MSRA: variants seen among roughly 807,000 people sequenced by gnomAD.
The protein encoded by MSRA is mitochondrial peptide methionine sulfoxide reductase.
MSRA carries 54 observed loss-of-function variants against 31.3 expected under a neutral mutation model. The ratio of observed to expected loss-of-function variants is 1.73; its 90% CI spans 1.39 to 2.17. The LOEUF is 2.17. MSRA is among the 30% of genes most tolerant of loss of function. MSRA has a pLI of 0.00. For missense variants in MSRA, 507 were observed against 300.9 expected, an observed-to-expected ratio of 1.69 and a Z score of -5.07; for synonymous variants, 169 against 116.5, an observed-to-expected ratio of 1.45 and a Z score of -2.90.
intron 1 of MSRA, among the ~76,000 whole-genome samples, chr8:10,063,038 C>T (rs1200367088): frequency 6.6e-6 from 1 of 152,202 alleles, no homozygotes; most frequent in Non-Finnish European, 1.5e-5. Flanking sequence ...TGTGAAAGTT[C>T]TGCCCTTCTG....
At chr8:10,057,625 C>T (rs1427167523) in intron 1 of MSRA, among the ~76,000 whole-genome samples, 1 of 152,174 alleles carries the variant, frequency 6.6e-6, no homozygotes, top group Non-Finnish European at 1.5e-5. Flanking sequence ...GTGATTGAAA[C>T]ATGCGGGGGG....
chr8:10,100,378 C>A (rs1799452826), intron 1 of MSRA, among the ~76,000 whole-genome samples: 1 of 152,106 alleles, frequency 6.6e-6, no homozygotes, highest in African/African-American at 2.4e-5. Context: ...GTGCCTTGAT[C>A]TGCTGCAGGA....
chr8:10,332,052 A>G lies in MSRA; in HGVS notation c.543+12063A>G, dbSNP rs182965674. Reference sequence around the variant, plus strand: ...TAGAGATCCTCAAATTTCCAACCATAGTTACAATATAGGATCAGCATATCT... The same window carrying G: ...TAGAGATCCTCAAATTTCCAACCATGGTTACAATATAGGATCAGCATATCT... On this transcript the variant is annotated intron_variant, in intron 5 of 5. Coordinates refer to ENST00000317173, the MANE Select transcript of MSRA (RefSeq NM_012331.5). 1.7e-4 allele frequency among the ~76,000 whole-genome samples: 26 copies of G among 152,308 alleles called. No homozygotes were observed. The East Asian group carries it at 4.8e-3, about 28-fold the overall frequency.
intron 5 of MSRA, among the ~76,000 whole-genome samples, chr8:10,414,581 GTTC>G (rs1295741638): frequency 6.6e-6 from 1 of 152,194 alleles, no homozygotes; most frequent in African/African-American, 2.4e-5. Context: ...AATTGCTGCA[GTTC>G]TTCTGTGAAT....
intron 1 of MSRA, among the ~76,000 whole-genome samples, chr8:10,120,649 A>G (rs1360145581): frequency 2.6e-5 from 4 of 152,360 alleles, no homozygotes; most frequent in African/African-American, 9.6e-5. Flanking sequence ...ATGAGAAGGC[A>G]TGGAGTTAGA....
chr8:10,363,206 C>T (rs1804955342), intron 5 of MSRA, among the ~76,000 whole-genome samples: 1 of 152,194 alleles, frequency 6.6e-6, no homozygotes, highest in African/African-American at 2.4e-5. Flanking sequence ...CATTTTCCAG[C>T]TGGGAGAGCG....
chr8:10,184,356 A>C (rs1264959765), intron 1 of MSRA, among the ~76,000 whole-genome samples: 1 of 151,932 alleles, frequency 6.6e-6, no homozygotes. Flanking sequence ...AATACATTCT[A>C]AACCTCTTCC....
intron 3 of MSRA, among the ~76,000 whole-genome samples, chr8:10,247,760 T>G (rs893468138): frequency 1.3e-5 from 2 of 152,152 alleles, no homozygotes; most frequent in African/African-American, 4.8e-5. Flanking sequence ...GAGAGACGAT[T>G]TCTTTCCCTA....
intron 5 of MSRA, among the ~76,000 whole-genome samples, chr8:10,356,601 C>T (rs946393396): frequency 1.3e-5 from 2 of 152,134 alleles, no homozygotes; most frequent in Non-Finnish European, 2.9e-5. Flanking sequence ...ATGATGATGA[C>T]CTTTGAAAGG....
intron 1 of MSRA, among the ~76,000 whole-genome samples, chr8:10,088,753 C>T (rs373068745): frequency 6.6e-6 from 1 of 152,014 alleles, no homozygotes; most frequent in African/African-American, 2.4e-5. Context: ...AAAAGTCTAT[C>T]AAGGGAGGAA....
At chr8:10,309,111 C>T (rs528713336) in intron 4 of MSRA, among the ~76,000 whole-genome samples, 1 of 152,350 alleles carries the variant, frequency 6.6e-6, no homozygotes, top group African/African-American at 2.4e-5. Flanking sequence ...CCCTCACCCC[C>T]ATGAACTTCT....
At chr8:10,079,385 G>A (rs1197763733) in intron 1 of MSRA, among the ~76,000 whole-genome samples, 1 of 152,044 alleles carries the variant, frequency 6.6e-6, no homozygotes, top group Non-Finnish European at 1.5e-5. Flanking sequence ...GAACTCGTGG[G>A]CTCAAGCAAT....
chr8:10,185,829 G>A (rs1427048820), intron 1 of MSRA, among the ~76,000 whole-genome samples: 1 of 152,120 alleles, frequency 6.6e-6, no homozygotes, highest in Non-Finnish European at 1.5e-5. Flanking sequence ...AGGACCAAGT[G>A]CTTTCGTGTG....
intron 2 of MSRA, among the ~76,000 whole-genome samples, chr8:10,219,785 G>C: frequency 9.1e-6 from 1 of 109,944 alleles, no homozygotes; most frequent in South Asian, 3.3e-4. Context: ...CAGCCTGGAC[G>C]ACAGATCGAG....
chr8:10,079,543 G>C (rs527831329), intron 1 of MSRA, among the ~76,000 whole-genome samples: 19 of 152,230 alleles, frequency 1.2e-4, no homozygotes, highest in South Asian at 2.1e-4. Context: ...GTGAGCTCCT[G>C]GTAGAAATGA....
chr8:10,185,495 G>A (rs1806958850), intron 1 of MSRA, among the ~76,000 whole-genome samples: 1 of 134,054 alleles, frequency 7.5e-6, no homozygotes, highest in African/African-American at 2.5e-5. Context: ...TGCCACTGGG[G>A]GAATCAGCTC....
At chr8:10,324,225 C>G (rs539215934) in intron 5 of MSRA, among the ~76,000 whole-genome samples, 1 of 152,142 alleles carries the variant, frequency 6.6e-6, no homozygotes, top group East Asian at 1.9e-4. Context: ...GACTGAGGAA[C>G]TGAATCTTTT....
At chr8:10,245,461 G>C (rs1034662981) in intron 3 of MSRA, among the ~76,000 whole-genome samples, 3 of 152,184 alleles carry the variant, frequency 2.0e-5, no homozygotes, top group Non-Finnish European at 4.4e-5. Flanking sequence ...AAACATGGTG[G>C]CTTAAAACAG....
At chr8:10,413,616 A>G (rs1808284684) in intron 5 of MSRA, among the ~76,000 whole-genome samples, 1 of 151,788 alleles carries the variant, frequency 6.6e-6, no homozygotes, top group Admixed American at 6.6e-5. Context: ...AAAATGTTAG[A>G]GTAATGCCTC....
Sources: allele counts gnomAD v4.1 joint callset (sites outside exome capture counted in the v4.1 genomes callset), GRCh38; gene constraint gnomAD v4.1.1; transcripts MANE v1.5; gene names NCBI Gene and HGNC (gene_info 2026-07-23, HGNC 2026-07-21).